SUPT3H: variants seen among roughly 807,000 people sequenced by gnomAD.
The protein encoded by SUPT3H is SPT3 homolog, SAGA and STAGA complex component.
SUPT3H carries 44 observed loss-of-function variants against 44.3 expected under a neutral mutation model. The ratio of observed to expected loss-of-function variants is 0.99; its 90% CI spans 0.78 to 1.28. SUPT3H has a LOEUF of 1.28. Ranked by LOEUF, SUPT3H falls within the 50% of genes most tolerant of loss-of-function variation. The probability of loss-of-function intolerance (pLI) is 0.00; values close to 1 mark genes in which losing one functional copy is unlikely to be tolerated. For missense variants in SUPT3H, 380 were observed against 387.1 expected, an observed-to-expected ratio of 0.98 and a Z score of 0.15; for synonymous variants, 124 against 125.6, an observed-to-expected ratio of 0.99 and a Z score of 0.09.
intron 2 of SUPT3H, among the ~76,000 whole-genome samples, chr6:45,180,656 G>A (rs970507973): frequency 1.3e-4 from 20 of 152,078 alleles, no homozygotes; most frequent in Non-Finnish European, 2.6e-4. Flanking sequence ...GGGAAAATTG[G>A]CTAGCCATAT....
chr6:44,903,862 C>G (rs1179423853), intron 10 of SUPT3H, among the ~76,000 whole-genome samples: 2 of 152,310 alleles, frequency 1.3e-5, no homozygotes, highest in Non-Finnish European at 2.9e-5. Flanking sequence ...CCCTGGGATG[C>G]AAGGCTGGTT....
intron 2 of SUPT3H, among the ~76,000 whole-genome samples, chr6:45,278,491 T>C (rs1584646052): frequency 6.6e-6 from 1 of 152,138 alleles, no homozygotes; most frequent in East Asian, 1.9e-4. Context: ...CAAAAATATT[T>C]GGGCAAAGAA....
At chr6:45,287,600 G>T (rs1222705302) in intron 2 of SUPT3H, among the ~76,000 whole-genome samples, 1 of 152,132 alleles carries the variant, frequency 6.6e-6, no homozygotes, top group African/African-American at 2.4e-5. Flanking sequence ...GTTTGCCAGG[G>T]ACTGGGAGGA....
chr6:45,317,138 G>C (rs1397814779), intron 2 of SUPT3H, among the ~76,000 whole-genome samples: 1 of 142,262 alleles, frequency 7.0e-6, no homozygotes, highest in Non-Finnish European at 1.5e-5. Context: ...GAGGTGGAAG[G>C]ATCACTTGAG....
At chr6:45,051,779 T>C (rs1790338019) in intron 3 of SUPT3H, among the ~76,000 whole-genome samples, 1 of 152,154 alleles carries the variant, frequency 6.6e-6, no homozygotes, top group African/African-American at 2.4e-5. Context: ...GGAGTAATTA[T>C]AACTATTGAG....
intron 3 of SUPT3H, among the ~76,000 whole-genome samples, chr6:45,085,138 A>C (rs1796328584): frequency 6.6e-6 from 1 of 152,168 alleles, no homozygotes; most frequent in Non-Finnish European, 1.5e-5. Context: ...TTAAAAAATT[A>C]ATTAAAAATA....
chr6:44,993,636 A>C (rs1450042953), intron 6 of SUPT3H, among the ~76,000 whole-genome samples: 1 of 152,132 alleles, frequency 6.6e-6, no homozygotes, highest in African/African-American at 2.4e-5. Context: ...AAATCAAATA[A>C]TACTACCTCG....
At chr6:44,925,009 C>T (rs552278946) in intron 10 of SUPT3H, among the ~76,000 whole-genome samples, 221 of 152,224 alleles carry the variant, frequency 1.5e-3, no homozygotes, top group African/African-American at 5.0e-3. Flanking sequence ...ATATGAAATT[C>T]TAGATCAAAA....
intron 2 of SUPT3H, among the ~76,000 whole-genome samples, chr6:45,189,522 T>C (rs943145256): frequency 6.6e-6 from 1 of 152,180 alleles, no homozygotes; most frequent in Non-Finnish European, 1.5e-5. Flanking sequence ...TGACCAAATC[T>C]ATAGAGGAAA....
intron 2 of SUPT3H, among the ~76,000 whole-genome samples, chr6:45,310,146 C>T (rs542178825): frequency 6.6e-6 from 1 of 152,170 alleles, no homozygotes; most frequent in South Asian, 2.1e-4. Context: ...TAAGTGAGGC[C>T]TGTGATTGCC....
intron 10 of SUPT3H, among the ~76,000 whole-genome samples, chr6:44,906,195 A>G (rs1766040441): frequency 1.3e-5 from 2 of 152,224 alleles, no homozygotes. Context: ...AGTTATTTTG[A>G]AGAAATATAA....
chr6:45,069,742 A>C lies in SUPT3H; in HGVS notation c.186+36180T>G, dbSNP rs116490605. Among the ~76,000 whole-genome samples the C allele has an allele frequency of 1.9e-3, 290 of 152,316 alleles. 1 individual carries two copies. Among genetic ancestry groups the C allele is most frequent in the African/African-American group, 6.5e-3 (271 of 41,568 alleles). ...TTAACTCAACAAAATTATATTTTGC[A>C]GAGAACTCTTATTTATTTATTTTTA... On this transcript the variant is annotated intron_variant, in intron 3 of 10. Coordinates refer to ENST00000371459, the MANE Select transcript of SUPT3H (RefSeq NM_003599.4).
At chr6:45,097,926 G>T (rs1798021986) in intron 3 of SUPT3H, 1 of 152,538 alleles carries the variant, frequency 6.6e-6, no homozygotes. Flanking sequence ...TATTCTTGCA[G>T]AAAAATCATG....
chr6:44,971,684 T>C (rs566864116), intron 6 of SUPT3H, among the ~76,000 whole-genome samples: 2 of 152,278 alleles, frequency 1.3e-5, no homozygotes, highest in East Asian at 3.9e-4. Flanking sequence ...AGCCAAACCA[T>C]ATTAATTCCA....
At chr6:45,330,560 T>A (rs539216617) in intron 2 of SUPT3H, among the ~76,000 whole-genome samples, 1 of 152,092 alleles carries the variant, frequency 6.6e-6, no homozygotes, top group East Asian at 1.9e-4. Context: ...GTATTAGAAG[T>A]AAAGTTATCA....
At chr6:45,325,750 C>A (rs74842105) in intron 2 of SUPT3H, among the ~76,000 whole-genome samples, 4,462 of 151,930 alleles carry the variant, frequency 0.029, 91 homozygotes, top group Non-Finnish European at 0.047. Flanking sequence ...AAATCAGTAT[C>A]TCTTCACCAC....
chr6:45,192,521 T>A (rs902438455), intron 2 of SUPT3H, among the ~76,000 whole-genome samples: 3 of 152,166 alleles, frequency 2.0e-5, no homozygotes, highest in African/African-American at 7.2e-5. Flanking sequence ...CCCAAATAAG[T>A]CAGCCTAACA....
chr6:45,282,858 G>A (rs112707108), intron 2 of SUPT3H, among the ~76,000 whole-genome samples: 71 of 152,294 alleles, frequency 4.7e-4, no homozygotes, highest in Middle Eastern at 3.4e-3. Flanking sequence ...ACCCACTAAC[G>A]GAAGCCCATC....
intron 2 of SUPT3H, among the ~76,000 whole-genome samples, chr6:45,249,842 A>G (rs1008275691): frequency 2.0e-5 from 3 of 152,174 alleles, no homozygotes; most frequent in Admixed American, 6.5e-5. Context: ...GGTTGATGAT[A>G]TATCATACTG....
Sources: gnomAD v4.1 joint callset for allele counts (sites outside exome capture counted in the v4.1 genomes callset) on GRCh38, gnomAD v4.1.1 for gene constraint, MANE v1.5 for transcripts, NCBI Gene and HGNC (gene_info 2026-07-23, HGNC 2026-07-21) for gene names.